Variants in ST6GAL2 observed in about 807,000 individuals in gnomAD.
ST6GAL2 encodes ST6 beta-galactoside alpha-2,6-sialyltransferase 2.
In ST6GAL2, 24 loss-of-function variants were observed where a neutral mutation model predicts 37.5. The observed-to-expected ratio is 0.64, with a 90% confidence interval of 0.46 to 0.90. The LOEUF is 0.90. Among genes scored for constraint, ST6GAL2 ranks in the 40% least tolerant of loss-of-function variants. ST6GAL2 has a pLI of 0.00. For synonymous variants in ST6GAL2, 306 were observed against 295.1 expected (o/e 1.04, Z -0.38); for missense variants, 715 against 712.7 (o/e 1.00, Z -0.04).
At chr2:106,868,205 T>C (rs1196911038) in intron 1 of ST6GAL2, among the ~76,000 whole-genome samples, 7 of 152,166 alleles carry the variant, frequency 4.6e-5, no homozygotes, top group Admixed American at 3.3e-4. Context: ...TTACGCTCAC[T>C]TTACAGGGGA....
chr2:106,818,905 A>C (rs2104435825), intron 5 of ST6GAL2, among the ~76,000 whole-genome samples: 1 of 152,308 alleles, frequency 6.6e-6, no homozygotes, highest in South Asian at 2.1e-4. Flanking sequence ...ATAATCAAAT[A>C]CAATCAGGCA....
chr2:106,866,818 A>G (rs1040298837), intron 1 of ST6GAL2, among the ~76,000 whole-genome samples: 1 of 152,208 alleles, frequency 6.6e-6, no homozygotes, highest in Non-Finnish European at 1.5e-5. Flanking sequence ...CAACAGAATT[A>G]GTTTTTGGCA....
Position 106,806,330 on chromosome 2 carries a change from C to T in ST6GAL2, c.*348G>A, listed in dbSNP as rs1201981605. 2 of 226,510 alleles carry T rather than the reference C, an allele frequency of 8.8e-6. No homozygotes were observed. The highest frequency in any genetic ancestry group is 4.6e-5 in the African/African-American group (2 of 43,910). 14.0% of individuals were successfully genotyped at this position (226,510 alleles called of 1,614,324 possible). On this transcript the variant is annotated 3_prime_UTR_variant, in exon 6 of 6. Transcript: ENST00000409382. ...CCACTTCATATGGTCAGGAACATCA[C>T]CAAAACCTGTCATTGAAACCAACCC... is the stretch of plus-strand genomic sequence containing the variant.
intron 1 of ST6GAL2, among the ~76,000 whole-genome samples, chr2:106,883,161 C>T (rs1399738717): frequency 1.3e-5 from 2 of 152,100 alleles, no homozygotes; most frequent in African/African-American, 4.8e-5. Context: ...TAGGTAGATG[C>T]CAAGTATTTT....
At chr2:106,852,669 G>A (rs1677418419) in intron 1 of ST6GAL2, among the ~76,000 whole-genome samples, 1 of 152,236 alleles carries the variant, frequency 6.6e-6, no homozygotes, top group South Asian at 2.1e-4. Flanking sequence ...GGGGCTGTTG[G>A]TTGGTTCAGG....
intron 2 of ST6GAL2, among the ~76,000 whole-genome samples, chr2:106,840,475 C>A (rs1400855568): frequency 6.6e-6 from 1 of 152,154 alleles, no homozygotes; most frequent in Non-Finnish European, 1.5e-5. Flanking sequence ...ACAAATTGAG[C>A]CATGCTATGG....
At chr2:106,814,570 T>G (rs1326170286) in intron 5 of ST6GAL2, among the ~76,000 whole-genome samples, 1 of 151,116 alleles carries the variant, frequency 6.6e-6, no homozygotes, top group Non-Finnish European at 1.5e-5. Context: ...TAAAAAGGAG[T>G]TCCACGTCTA....
rs1041731740 is a variant in ST6GAL2 at position 106,805,601 on chromosome 2, A to G, written c.*1077T>C. 6.6e-6 allele frequency: 1 copy of G among 152,236 alleles called. No individual in the cohort carries two copies. Among genetic ancestry groups the G allele is most frequent in the African/African-American group, 2.4e-5 (1 of 41,456 alleles). The allele number at this position is 152,236 out of a possible 1,614,324, so 9.4% of individuals were successfully genotyped here. A position where few individuals can be genotyped will look rare whatever the true frequency, so the allele number is the denominator to read the frequency against. On this transcript the variant is annotated 3_prime_UTR_variant, in exon 6 of 6. Coordinates refer to ENST00000409382, the MANE Select transcript of ST6GAL2 (RefSeq NM_001142351.2). ...AAGGACTGGATTCCTAAATGTCTGT[A>G]GGAAGATTTAGTGAAGATTCAGTGC...
chr2:106,853,945 A>G (rs1433945203), intron 1 of ST6GAL2, among the ~76,000 whole-genome samples: 2 of 152,210 alleles, frequency 1.3e-5, no homozygotes, highest in Non-Finnish European at 2.9e-5. Context: ...TACAATAATT[A>G]GCATTCAAAT....
Position 106,834,053 on chromosome 2 carries a change from G to T in ST6GAL2, c.1037C>A (p.Ser346Ter). The T allele has an allele frequency of 1.2e-6, 2 of 1,610,050 alleles. No homozygotes were observed. Among genetic ancestry groups the T allele is most frequent in the Non-Finnish European group, 1.7e-6 (2 of 1,176,756 alleles). Reference sequence around the variant, plus strand: ...AAAACACTCCATCTGTCTTACCTGCGAATTAATGATGCGTATGGTGGTTTT... The same window carrying T: ...AAAACACTCCATCTGTCTTACCTGCTAATTAATGATGCGTATGGTGGTTTT... Reference protein sequence around the residue: ...GNKTTIRIINSQILTNPSHHF... With the variant: ...GNKTTIRIIN The change falls in exon 3 of 6, where the codon TCG becomes TAG. Residue 346 changes from serine to a stop codon, truncating the protein, a stop_gained. Coordinates refer to ENST00000409382, the MANE Select transcript of ST6GAL2 (RefSeq NM_001142351.2). LOFTEE classifies it high-confidence loss of function.
intron 5 of ST6GAL2, among the ~76,000 whole-genome samples, chr2:106,828,786 G>C (rs1676299866): frequency 6.6e-6 from 1 of 151,924 alleles, no homozygotes; most frequent in South Asian, 2.1e-4. Context: ...TTCTTGTATA[G>C]GTTTTAATAT....
In ST6GAL2 at chr2:106,843,601, G is replaced by A. The variant is rs906132688; in HGVS notation, c.377C>T (p.Pro126Leu). Residue 126 changes from proline to leucine, a missense_variant, in exon 2 of 6, where the codon CCG becomes CTG. Physicochemically the swap from Pro to Leu is moderately conservative, Grantham distance 98 (BLOSUM62 -3). Coordinates refer to ENST00000409382, the MANE Select transcript of ST6GAL2 (RefSeq NM_001142351.2). ...VGRKSQSAFY[P>L]EDDDYFFAAG... ...AGCAAAAAAGTAGTCGTCATCCTCC[G>A]GGTAGAAAGCACTTTGAGATTTTCT... The A allele has an allele frequency of 1.2e-5, 20 of 1,613,860 alleles. No individual in the cohort carries two copies. Among genetic ancestry groups the A allele is most frequent in the East Asian group, 2.2e-5 (1 of 44,860 alleles).
At chr2:106,853,876 G>A (rs1182173061) in intron 1 of ST6GAL2, among the ~76,000 whole-genome samples, 1 of 152,120 alleles carries the variant, frequency 6.6e-6, no homozygotes, top group Non-Finnish European at 1.5e-5. Context: ...TACTAGTTAG[G>A]GTCTGCTGGC....
intron 5 of ST6GAL2, among the ~76,000 whole-genome samples, chr2:106,816,993 C>G (rs1412115108): frequency 6.6e-6 from 1 of 152,220 alleles, no homozygotes; most frequent in Non-Finnish European, 1.5e-5. Context: ...GGGCAGAACT[C>G]AGCCAGAACC....
intron 1 of ST6GAL2, among the ~76,000 whole-genome samples, chr2:106,860,398 C>T (rs1677749303): frequency 6.6e-6 from 1 of 152,104 alleles, no homozygotes. Context: ...AGACAAAAGA[C>T]TTAGGGCATA....
intron 5 of ST6GAL2, chr2:106,824,802 A>G (rs1676141067): frequency 6.6e-6 from 1 of 152,244 alleles, no homozygotes; most frequent in Admixed American, 6.5e-5. Context: ...AAAGATTGCA[A>G]TAAGTACATG....
intron 2 of ST6GAL2, among the ~76,000 whole-genome samples, chr2:106,836,021 C>T (rs1192470969): frequency 3.9e-5 from 6 of 152,148 alleles, no homozygotes; most frequent in Admixed American, 2.0e-4. Flanking sequence ...ATAATCCAAA[C>T]ACTTTTTAGG....
chr2:106,810,969 A>C (rs1029684622), intron 5 of ST6GAL2, among the ~76,000 whole-genome samples: 2 of 152,138 alleles, frequency 1.3e-5, no homozygotes, highest in Non-Finnish European at 2.9e-5. Context: ...AAATAAATAA[A>C]TAATAAAACT....
At chr2:106,832,785 A>G (rs917953425) in intron 3 of ST6GAL2, 119 bp from the exon 4 acceptor site, 1 of 719,508 alleles carries the variant, frequency 1.4e-6, no homozygotes, top group Admixed American at 2.1e-5. Context: ...CAGACGTTGT[A>G]TTTTCTTCTG....
Sources: allele counts gnomAD v4.1 joint callset (sites outside exome capture counted in the v4.1 genomes callset), GRCh38; gene constraint gnomAD v4.1.1; transcripts MANE v1.5; gene names NCBI Gene and HGNC (gene_info 2026-07-23, HGNC 2026-07-21).